BBS9: variants seen among roughly 807,000 people sequenced by gnomAD.
BBS9 encodes Bardet-Biedl syndrome 9.
In BBS9, 89 loss-of-function variants were observed where a neutral mutation model predicts 117.7. The observed-to-expected ratio is 0.76, with a 90% CI of 0.64 to 0.90. The LOEUF (loss-of-function observed/expected upper bound fraction) is 0.90. BBS9 is among the 40% of genes least tolerant of loss of function. BBS9 has a pLI of 0.00. For synonymous variants in BBS9, 379 were observed against 370.9 expected (o/e 1.02, Z -0.25); for missense variants, 982 against 1,042.2 (o/e 0.94, Z 0.80).
rs1004637073 is a variant in BBS9 at position 33,605,873 on chromosome 7, G to T, written c.*647G>T. 1.3e-5 allele frequency: 2 copies of T among 152,828 alleles called. No individual in the cohort carries two copies. The highest frequency in any genetic ancestry group is 4.8e-5 in the African/African-American group (2 of 41,434). The allele number at this position is 152,828 out of a possible 1,614,324, so 9.5% of individuals were successfully genotyped here. On this transcript the variant is annotated 3_prime_UTR_variant, in exon 23 of 23. Coordinates refer to ENST00000242067, the MANE Select transcript of BBS9 (RefSeq NM_198428.3). Reference sequence around the variant, plus strand: ...TGTTTAAATATTTTCAAGGAAGCTAGTACATTAACATCCCCTTTTCATTAC... The same window carrying T: ...TGTTTAAATATTTTCAAGGAAGCTATTACATTAACATCCCCTTTTCATTAC...
chr7:33,364,238 G>C lies in BBS9; in HGVS notation c.1694-3529G>C, dbSNP rs574226456. Among the ~76,000 whole-genome samples, 2 of 31,932 alleles carry C rather than the reference G, an allele frequency of 6.3e-5. 1 individual carries two copies. The highest frequency in any genetic ancestry group is 3.1e-4 in the African/African-American group (2 of 6,366). 20.9% of individuals were successfully genotyped at this position (31,932 alleles called of 152,430 possible). On this transcript the variant is annotated intron_variant, in intron 16 of 22. Coordinates refer to ENST00000242067, the MANE Select transcript of BBS9 (RefSeq NM_198428.3). ...GCTGGGATTACAGGCGTGAGCCACCGCGCCCGGCCTTCACTATATTTTTAG... is the reference window on the plus strand; with the variant it reads ...GCTGGGATTACAGGCGTGAGCCACCCCGCCCGGCCTTCACTATATTTTTAG...
In BBS9 at chr7:33,558,739, C is replaced by T. The variant is rs528441788; in HGVS notation, c.2521+24563C>T. ...AGAAGCCCGCAGCATGTTGAAATAG[C>T]ATTATATTATATTCAAAGGCTAAAG... On this transcript the variant is annotated intron_variant, in intron 21 of 22. Coordinates refer to ENST00000242067, the MANE Select transcript of BBS9 (RefSeq NM_198428.3). Among the ~76,000 whole-genome samples, 13 of 152,138 alleles carry T rather than the reference C, an allele frequency of 8.5e-5. No homozygotes were observed. The East Asian group carries it at 2.3e-3, about 27-fold the overall frequency.
chr7:33,165,186 G>A (rs1795473099), intron 4 of BBS9, among the ~76,000 whole-genome samples: 1 of 152,166 alleles, frequency 6.6e-6, no homozygotes, highest in African/African-American at 2.4e-5. Flanking sequence ...TAGAGTTTCT[G>A]CCGAGAGATC....
At chr7:33,557,870 G>A (rs975276696) in intron 21 of BBS9, among the ~76,000 whole-genome samples, 1 of 152,232 alleles carries the variant, frequency 6.6e-6, no homozygotes. Context: ...CAACTATTAG[G>A]ATCCCAGGAT....
At chr7:33,435,366 G>T (rs912294166) in intron 19 of BBS9, among the ~76,000 whole-genome samples, 1 of 152,154 alleles carries the variant, frequency 6.6e-6, no homozygotes, top group African/African-American at 2.4e-5. Context: ...TTGATACTTT[G>T]TGAGTACAAT....
chr7:33,595,294 A>T (rs988736345), intron 21 of BBS9, among the ~76,000 whole-genome samples: 2 of 152,218 alleles, frequency 1.3e-5, no homozygotes, highest in Non-Finnish European at 2.9e-5. Flanking sequence ...CAATCTACCC[A>T]TCTGACAATG....
intron 15 of BBS9, chr7:33,357,614 T>C: frequency 1.8e-6 from 1 of 558,792 alleles, no homozygotes; most frequent in South Asian, 1.9e-5. Flanking sequence ...TATGATACTA[T>C]TAAAGACAGA....
At position 33,625,556 on chromosome 7, in the gene BBS9, C is replaced by A. The variant is rs575004172; in HGVS notation, c.2522-9621C>A. Among the ~76,000 whole-genome samples the A allele has an allele frequency of 3.9e-5, 6 of 152,320 alleles. No homozygotes were observed. In the East Asian group the frequency reaches 1.2e-3, roughly 29 times the overall value. On this transcript the variant is annotated intron_variant, in intron 21 of 21. Coordinates refer to the BBS9 transcript ENST00000671952. ...TTTCTTTTATTATGTAGATTACCAA[C>A]TGTATCACTGCTGGTGCAAGGGTCA...
At position 33,409,424 on chromosome 7, in the gene BBS9, C is replaced by T. The variant is rs1830696008; in HGVS notation, c.2115+21280C>T. On this transcript the variant is annotated intron_variant, in intron 19 of 22. Transcript: ENST00000242067. The stretch of plus-strand genomic sequence containing the variant: ...TTCATTGAATAGGGAGTCTCTTCCC[C>T]ATGCTTATTTTTGTTAATGTGTTAA... Among the ~76,000 whole-genome samples, 3 of 152,226 alleles carry T rather than the reference C, an allele frequency of 2.0e-5. No individual in the cohort carries two copies. In the South Asian group the frequency reaches 6.2e-4, roughly 32 times the overall value.
intron 21 of BBS9, among the ~76,000 whole-genome samples, chr7:33,620,517 T>A (rs970426137): frequency 2.0e-5 from 3 of 151,570 alleles, no homozygotes; most frequent in African/African-American, 7.3e-5. Flanking sequence ...ATAAAAAATA[T>A]CAGGAATAAA....
At chr7:33,599,204 G>C (rs1389598305) in intron 21 of BBS9, among the ~76,000 whole-genome samples, 1 of 152,158 alleles carries the variant, frequency 6.6e-6, no homozygotes, top group African/African-American at 2.4e-5. Flanking sequence ...TAGCAGGAGA[G>C]ATATTAGGCA....
chr7:33,269,850 C>T (rs980181421), intron 7 of BBS9, among the ~76,000 whole-genome samples: 4 of 151,980 alleles, frequency 2.6e-5, no homozygotes, highest in Non-Finnish European at 5.9e-5. Context: ...TGGTGAAACC[C>T]TGTCTCTACT....
At chr7:33,394,835 A>T (rs976824243) in intron 19 of BBS9, among the ~76,000 whole-genome samples, 1 of 152,180 alleles carries the variant, frequency 6.6e-6, no homozygotes, top group African/African-American at 2.4e-5. Context: ...AATTTTATTT[A>T]TTACTTCATT....
chr7:33,466,087 T>C (rs747836368), intron 19 of BBS9, among the ~76,000 whole-genome samples: 8 of 152,040 alleles, frequency 5.3e-5, no homozygotes, highest in Non-Finnish European at 8.8e-5. Context: ...TATACACACA[T>C]TGTGAAATGG....
chr7:33,151,236 A>G lies in BBS9; in HGVS notation c.113-1465A>G, dbSNP rs139955442. Among the ~76,000 whole-genome samples, 35 of 152,206 alleles carry G rather than the reference A, an allele frequency of 2.3e-4. No individual in the cohort carries two copies. The East Asian group carries it at 6.7e-3, about 29-fold the overall frequency. ...CACTGTACTCAAGCCTGGGCAACAG[A>G]GTGAGACCCTGTCTCAAAGGAAAAA... On this transcript the variant is annotated intron_variant, in intron 2 of 22. Transcript: ENST00000242067.
chr7:33,424,597 C>T (rs1447287310), intron 19 of BBS9, among the ~76,000 whole-genome samples: 1 of 151,962 alleles, frequency 6.6e-6, no homozygotes, highest in Non-Finnish European at 1.5e-5. Context: ...TTCCTGTTAC[C>T]AGAAACAGGT....
At chr7:33,458,217 C>T (rs1030318990) in intron 19 of BBS9, among the ~76,000 whole-genome samples, 2 of 151,892 alleles carry the variant, frequency 1.3e-5, no homozygotes, top group African/African-American at 4.8e-5. Context: ...GAAAGTCATC[C>T]GAGGAAAGGC....
chr7:33,533,676 C>T (rs1850931672), intron 20 of BBS9: 1 of 490,920 alleles, frequency 2.0e-6, no homozygotes, highest in Non-Finnish European at 3.7e-6. Flanking sequence ...CAGAGCTAAA[C>T]CCTTCTCATA....
Position 33,605,216 on chromosome 7 carries a change from T to A in BBS9, c.2654T>A (p.Val885Asp). ...PRPEVSPLQG[V>D]SE ...CCAGAAGTTTCACCCCTCCAAGGAGTCTCGGAATAATTCAAGTAGAGTTGT... is the reference window on the plus strand; with the variant it reads ...CCAGAAGTTTCACCCCTCCAAGGAGACTCGGAATAATTCAAGTAGAGTTGT... The change falls in exon 23 of 23, where the codon GTC becomes GAC. Residue 885 changes from valine (V) to aspartate (D), a missense_variant. Coordinates refer to ENST00000242067, the MANE Select transcript of BBS9 (RefSeq NM_198428.3). 5 of 1,612,790 alleles carry A rather than the reference T, an allele frequency of 3.1e-6. No homozygotes were observed. Among genetic ancestry groups the A allele is most frequent in the Non-Finnish European group, 3.4e-6 (4 of 1,178,902 alleles).
Sources: gnomAD v4.1 joint callset for allele counts (sites outside exome capture counted in the v4.1 genomes callset) on GRCh38, gnomAD v4.1.1 for gene constraint, MANE v1.5 for transcripts, NCBI Gene and HGNC (gene_info 2026-07-23, HGNC 2026-07-21) for gene names.